Variants in SYT16 observed in about 807,000 individuals in gnomAD.
SYT16 encodes the protein synaptotagmin-16.
In SYT16, 42 loss-of-function variants were observed where a neutral mutation model predicts 61.4. That is an observed-to-expected ratio of 0.68 (90% CI 0.53 to 0.89). The LOEUF (loss-of-function observed/expected upper bound fraction) is 0.89, where lower values mean the gene tolerates loss of function less well. SYT16 is among the 40% of genes least tolerant of loss of function. The probability of loss-of-function intolerance (pLI) is 0.00; values close to 1 mark genes in which losing one functional copy is unlikely to be tolerated. For missense variants in SYT16, 804 were observed against 807.3 expected (o/e 1.00, Z 0.05); for synonymous variants, 314 against 302.3 (o/e 1.04, Z -0.40).
At chr14:62,075,798 C>G (rs2056475769) in intron 5 of SYT16, among the ~76,000 whole-genome samples, 2 of 151,838 alleles carry the variant, frequency 1.3e-5, no homozygotes, top group South Asian at 4.2e-4. Flanking sequence ...TTATTTAGCC[C>G]AAATCTCAAG....
Position 62,107,540 on chromosome 14 carries a change from TG to T in SYT16, c.*6834del, listed in dbSNP as rs2057535192. ...TAGTTTAAGTTCAACAATATTTTTTTGTTGTTTCTAAATATTCTTTTTAAAA... is the reference window on the plus strand; with the variant it reads ...TAGTTTAAGTTCAACAATATTTTTTTTTGTTTCTAAATATTCTTTTTAAAA... On this transcript the variant is annotated 3_prime_UTR_variant, in exon 8 of 8. Transcript: ENST00000683842. 1 of 152,220 alleles carries T rather than the reference TG, an allele frequency of 6.6e-6. No individual in the cohort carries two copies. Among genetic ancestry groups the T allele is most frequent in the South Asian group, 2.1e-4 (1 of 4,828 alleles). The allele number at this position is 152,220 out of a possible 1,614,324, so 9.4% of individuals were successfully genotyped here.
In SYT16 at chr14:61,967,161, AG is replaced by A. The variant is rs149816845; in HGVS notation, c.-324-2970del. Among the ~76,000 whole-genome samples, 1,202 of 152,284 alleles carry A rather than the reference AG, an allele frequency of 7.9e-3. 19 individuals are homozygous for A. The highest frequency in any genetic ancestry group is 0.028 in the African/African-American group (1,167 of 41,554). On this transcript the variant is annotated intron_variant, in intron 1 of 7. Transcript: ENST00000683842. Reference sequence around the variant, plus strand: ...TGTCCCAGGGAGTTGAAATATGCAAAGATCTGGAGGTGTGACCTACGTTTGG... The same window carrying A: ...TGTCCCAGGGAGTTGAAATATGCAAAATCTGGAGGTGTGACCTACGTTTGG...
chr14:61,853,020 G>A (rs2046662389), intron 1 of SYT16, among the ~76,000 whole-genome samples: 1 of 152,202 alleles, frequency 6.6e-6, no homozygotes, highest in South Asian at 2.1e-4. Context: ...CCAGGTTCAA[G>A]TGATTCTCCT....
At chr14:61,984,787 T>A (rs1305105667) in intron 2 of SYT16, among the ~76,000 whole-genome samples, 1 of 152,184 alleles carries the variant, frequency 6.6e-6, no homozygotes, top group African/African-American at 2.4e-5. Context: ...TATATAATGC[T>A]ATAAAATAGG....
intron 1 of SYT16, among the ~76,000 whole-genome samples, chr14:61,865,581 G>C (rs1357414986): frequency 6.6e-6 from 1 of 152,176 alleles, no homozygotes. Context: ...GAAAGATGTG[G>C]ATTGCCGTAA....
chr14:61,908,969 C>T (rs2048825580), intron 1 of SYT16, among the ~76,000 whole-genome samples: 1 of 152,144 alleles, frequency 6.6e-6, no homozygotes, highest in South Asian at 2.1e-4. Context: ...ACTACAGGCA[C>T]ATGCCATTAC....
intron 3 of SYT16, among the ~76,000 whole-genome samples, chr14:62,045,376 A>G (rs2054928357): frequency 6.6e-6 from 1 of 152,020 alleles, no homozygotes; most frequent in South Asian, 2.1e-4. Flanking sequence ...GGGTATGTTA[A>G]GTCTTTTGGA....
At chr14:62,046,729 G>T (rs933934396) in intron 3 of SYT16, among the ~76,000 whole-genome samples, 4 of 152,126 alleles carry the variant, frequency 2.6e-5, no homozygotes, top group Admixed American at 2.0e-4. Context: ...CCCATTTCTT[G>T]TTTTTGTCAA....
intron 1 of SYT16, among the ~76,000 whole-genome samples, chr14:61,961,014 A>G (rs1264054451): frequency 6.6e-6 from 1 of 152,194 alleles, no homozygotes; most frequent in Non-Finnish European, 1.5e-5. Context: ...ATAAGCAATG[A>G]GGAAAAGACT....
chr14:61,915,697 T>C (rs2049096599), intron 1 of SYT16, among the ~76,000 whole-genome samples: 1 of 152,214 alleles, frequency 6.6e-6, no homozygotes, highest in Admixed American at 6.5e-5. Context: ...CTATATGAAG[T>C]TCACTGCTGG....
intron 1 of SYT16, among the ~76,000 whole-genome samples, chr14:61,915,628 C>T (rs2049093773): frequency 6.6e-6 from 1 of 152,216 alleles, no homozygotes; most frequent in South Asian, 2.1e-4. Flanking sequence ...TACTTCTCAA[C>T]ACATACCATG....
chr14:61,960,035 T>G (rs1400612798), intron 1 of SYT16, among the ~76,000 whole-genome samples: 1 of 152,174 alleles, frequency 6.6e-6, no homozygotes, highest in Non-Finnish European at 1.5e-5. Flanking sequence ...TCTCTCCATG[T>G]TGCTCAGGCT....
chr14:61,822,916 G>A (rs561801746), intron 1 of SYT16, among the ~76,000 whole-genome samples: 1 of 152,234 alleles, frequency 6.6e-6, no homozygotes, highest in South Asian at 2.1e-4. Flanking sequence ...TTGTTTTAGG[G>A]TACCTTGCCA....
chr14:62,017,219 A>G (rs1027931098), intron 3 of SYT16, among the ~76,000 whole-genome samples: 6 of 152,228 alleles, frequency 3.9e-5, no homozygotes, highest in Non-Finnish European at 8.8e-5. Flanking sequence ...GGTGTAGGAA[A>G]TAAATGCTTC....
intron 1 of SYT16, among the ~76,000 whole-genome samples, chr14:61,929,599 G>T (rs1027766893): frequency 1.3e-5 from 2 of 152,218 alleles, no homozygotes; most frequent in African/African-American, 4.8e-5. Flanking sequence ...TGAATTTACA[G>T]TGAAGGCATG....
intron 1 of SYT16, among the ~76,000 whole-genome samples, chr14:61,855,730 A>G (rs2046753369): frequency 6.6e-6 from 1 of 152,244 alleles, no homozygotes. Flanking sequence ...TAAAAAATTT[A>G]CCATCATAAG....
intron 2 of SYT16, among the ~76,000 whole-genome samples, chr14:61,987,744 CT>C (rs35325262): frequency 0.018 from 1,199 of 65,688 alleles, 15 homozygotes; most frequent in African/African-American, 0.05. Context: ...GATTTTTTTC[CT>C]TTTTTTTTTT....
At chr14:61,871,759 A>G (rs1185207271) in intron 1 of SYT16, among the ~76,000 whole-genome samples, 2 of 152,242 alleles carry the variant, frequency 1.3e-5, no homozygotes, top group Non-Finnish European at 2.9e-5. Context: ...TAAAAACAAT[A>G]CCGCATTATA....
chr14:62,043,552 C>T lies in SYT16; in HGVS notation c.524-26051C>T, dbSNP rs549731947. 1.6e-4 allele frequency among the ~76,000 whole-genome samples: 24 copies of T among 151,858 alleles called. No individual in the cohort carries two copies. In the East Asian group the frequency reaches 2.7e-3, roughly 17 times the overall value. ...CCTCCTGAGTAGCTGGGACTACAGGCGCCCACCACCATGCCCAGCTAATTT... is the reference window on the plus strand; with the variant it reads ...CCTCCTGAGTAGCTGGGACTACAGGTGCCCACCACCATGCCCAGCTAATTT... On this transcript the variant is annotated intron_variant, in intron 3 of 7. Transcript: ENST00000683842.
Sources: allele counts gnomAD v4.1 joint callset (sites outside exome capture counted in the v4.1 genomes callset), GRCh38; gene constraint gnomAD v4.1.1; transcripts MANE v1.5; gene names NCBI Gene and HGNC (gene_info 2026-07-23, HGNC 2026-07-21).